CDKAL1: variants seen among roughly 807,000 people sequenced by gnomAD.
CDKAL1 encodes the protein CDKAL1 threonylcarbamoyladenosine tRNA methylthiotransferase.
CDKAL1 carries 32 observed loss-of-function variants against 68.2 expected under a neutral mutation model. The observed-to-expected ratio is 0.47, with a 90% CI of 0.35 to 0.63. CDKAL1 has a LOEUF of 0.63. Among genes scored for constraint, CDKAL1 ranks in the 30% least tolerant of loss-of-function variants. The probability of loss-of-function intolerance (pLI) is 0.00; values close to 1 mark genes in which losing one functional copy is unlikely to be tolerated. For missense variants in CDKAL1, 606 were observed against 696.7 expected (o/e 0.87, Z 1.47); for synonymous variants, 234 against 244.3 (o/e 0.96, Z 0.39).
At chr6:21,187,311 A>G (rs1778055431) in intron 13 of CDKAL1, among the ~76,000 whole-genome samples, 1 of 152,214 alleles carries the variant, frequency 6.6e-6, no homozygotes, top group African/African-American at 2.4e-5. Context: ...CTTAATCTCT[A>G]AGGGACCTGT....
At chr6:20,983,414 TA>T (rs1766263986) in intron 10 of CDKAL1, among the ~76,000 whole-genome samples, 2 of 152,188 alleles carry the variant, frequency 1.3e-5, no homozygotes, top group Non-Finnish European at 2.9e-5. Context: ...ACATGTATTT[TA>T]TATATCAGAA....
intron 12 of CDKAL1, among the ~76,000 whole-genome samples, chr6:21,077,221 A>G (rs1772120789): frequency 6.6e-6 from 1 of 152,058 alleles, no homozygotes; most frequent in Non-Finnish European, 1.5e-5. Flanking sequence ...TTCACCTTCT[A>G]TTTTATTATG....
intron 13 of CDKAL1, among the ~76,000 whole-genome samples, chr6:21,188,324 A>G (rs1778097505): frequency 6.6e-6 from 1 of 152,274 alleles, no homozygotes; most frequent in East Asian, 1.9e-4. Context: ...TCCTCCAAGT[A>G]TTTTGTGGCT....
At chr6:20,809,555 C>G (rs1304783989) in intron 8 of CDKAL1, among the ~76,000 whole-genome samples, 2 of 152,114 alleles carry the variant, frequency 1.3e-5, no homozygotes, top group South Asian at 4.2e-4. Context: ...CCCTTGCTTC[C>G]TGGCCTTAGA....
chr6:21,072,636 A>C (rs1582141883), intron 12 of CDKAL1, among the ~76,000 whole-genome samples: 1 of 136,762 alleles, frequency 7.3e-6, no homozygotes, highest in Non-Finnish European at 1.5e-5. Flanking sequence ...CATCTTCCTC[A>C]CGTTTTAGAC....
At chr6:20,605,204 G>A (rs1022809912) in intron 4 of CDKAL1, among the ~76,000 whole-genome samples, 1 of 152,128 alleles carries the variant, frequency 6.6e-6, no homozygotes, top group African/African-American at 2.4e-5. Context: ...AACAGTGAAG[G>A]TTAATAGAAA....
At chr6:20,858,926 G>C (rs1025213899) in intron 9 of CDKAL1, among the ~76,000 whole-genome samples, 3 of 152,004 alleles carry the variant, frequency 2.0e-5, no homozygotes, top group South Asian at 2.1e-4. Context: ...AAACATTTTT[G>C]CTAGTTTAAT....
chr6:20,748,833 G>A (rs1773788083), intron 6 of CDKAL1, among the ~76,000 whole-genome samples: 1 of 151,388 alleles, frequency 6.6e-6, no homozygotes, highest in Admixed American at 6.6e-5. Flanking sequence ...GAGTTTTCAG[G>A]TAGTTTTAAA....
chr6:21,053,165 C>T (rs571703846), intron 11 of CDKAL1, among the ~76,000 whole-genome samples: 98 of 152,284 alleles, frequency 6.4e-4, no homozygotes, highest in Admixed American at 1.1e-3. Flanking sequence ...CCAGACAAGA[C>T]TGATTTGCTT....
intron 5 of CDKAL1, among the ~76,000 whole-genome samples, chr6:20,731,409 G>T (rs778714461): frequency 1.3e-5 from 2 of 152,182 alleles, no homozygotes; most frequent in Non-Finnish European, 2.9e-5. Context: ...TCTGAGGTAT[G>T]TTGAAACATG....
intron 5 of CDKAL1, among the ~76,000 whole-genome samples, chr6:20,695,938 C>A (rs1040924165): frequency 6.6e-6 from 1 of 152,160 alleles, no homozygotes; most frequent in Non-Finnish European, 1.5e-5. Context: ...ACTCCCCATT[C>A]CTCCTTTCTT....
At chr6:20,542,362 G>A (rs148428966) in intron 2 of CDKAL1, among the ~76,000 whole-genome samples, 1 of 152,298 alleles carries the variant, frequency 6.6e-6, no homozygotes, top group East Asian at 1.9e-4. Context: ...GCGTGGGCTT[G>A]GACTCATCTG....
chr6:20,950,095 T>C lies in CDKAL1; in HGVS notation c.743-5324T>C, dbSNP rs1008314665. 3.9e-5 allele frequency among the ~76,000 whole-genome samples: 6 copies of C among 152,002 alleles called. No homozygotes were observed. The South Asian group carries it at 1.0e-3, about 26-fold the overall frequency. On this transcript the variant is annotated intron_variant, in intron 9 of 15. Coordinates refer to ENST00000274695, the MANE Select transcript of CDKAL1 (RefSeq NM_017774.3). ...ACGAGCGCCCGGCCTCAAAGAGGTA[T>C]TTTTTATGCAAAGAAGAGTAGAGGT...
intron 8 of CDKAL1, among the ~76,000 whole-genome samples, chr6:20,813,215 A>G (rs566542620): frequency 3.0e-4 from 45 of 152,154 alleles, no homozygotes; most frequent in African/African-American, 1.1e-3. Flanking sequence ...CCAAAGTGCT[A>G]GATTACACAG....
chr6:20,865,426 C>T lies in CDKAL1; in HGVS notation c.742+19248C>T, dbSNP rs145266180. ...TTTCCCCAGACCTCAGTTTCGTTGTCCATAGCTGTTGCAAAAAGATTAAAT... is the reference window on the plus strand; with the variant it reads ...TTTCCCCAGACCTCAGTTTCGTTGTTCATAGCTGTTGCAAAAAGATTAAAT... On this transcript the variant is annotated intron_variant, in intron 9 of 15. Coordinates refer to ENST00000274695, the MANE Select transcript of CDKAL1 (RefSeq NM_017774.3). Among the ~76,000 whole-genome samples, 5 of 152,174 alleles carry T rather than the reference C, an allele frequency of 3.3e-5. No homozygotes were observed. In the East Asian group the frequency reaches 9.7e-4, roughly 29 times the overall value.
At chr6:20,692,360 G>A (rs949739899) in intron 5 of CDKAL1, among the ~76,000 whole-genome samples, 3 of 152,096 alleles carry the variant, frequency 2.0e-5, no homozygotes, top group Non-Finnish European at 4.4e-5. Flanking sequence ...CTTTCTGTTG[G>A]GAGCTCCAAA....
chr6:20,571,318 A>T (rs750855514), intron 4 of CDKAL1, among the ~76,000 whole-genome samples: 1 of 150,790 alleles, frequency 6.6e-6, no homozygotes, highest in African/African-American at 2.4e-5. Context: ...AAATTCATTC[A>T]TTCTTAGATA....
intron 5 of CDKAL1, among the ~76,000 whole-genome samples, chr6:20,660,257 T>G (rs1489414096): frequency 6.6e-6 from 1 of 152,186 alleles, no homozygotes; most frequent in Non-Finnish European, 1.5e-5. Flanking sequence ...TGCTACTAGA[T>G]TGTGAGTTTT....
chr6:20,574,265 T>A (rs1764825763), intron 4 of CDKAL1, among the ~76,000 whole-genome samples: 1 of 152,182 alleles, frequency 6.6e-6, no homozygotes, highest in African/African-American at 2.4e-5. Context: ...CTATTATTCC[T>A]GATTTGATTT....
Sources: allele counts gnomAD v4.1 joint callset (sites outside exome capture counted in the v4.1 genomes callset), GRCh38; gene constraint gnomAD v4.1.1; transcripts MANE v1.5; gene names NCBI Gene and HGNC (gene_info 2026-07-23, HGNC 2026-07-21).